Variants in SHKBP1 observed in about 807,000 individuals in gnomAD.
SHKBP1 encodes the protein SH3KBP1 binding protein 1.
SHKBP1 carries 71 observed loss-of-function variants against 83.9 expected under a neutral mutation model. The observed-to-expected ratio is 0.85, with a 90% CI of 0.70 to 1.03. The LOEUF (loss-of-function observed/expected upper bound fraction) is 1.03. Among genes scored for constraint, SHKBP1 ranks in the 50% least tolerant of loss-of-function variants. The pLI is 0.00. For synonymous variants in SHKBP1, 371 were observed against 398.0 expected (o/e 0.93, Z 0.81); for missense variants, 824 against 982.4 (o/e 0.84, Z 2.16).
intron 6 of SHKBP1, chr19:40,580,044 A>AC (rs1177684172): frequency 3.7e-5 from 10 of 272,976 alleles, no homozygotes; most frequent in Non-Finnish European, 4.9e-5. Context: ...AAAAAAAAAA[A>AC]AAAAAAAAAA....
At chr19:40,589,435 AG>A (rs2081338608) in intron 15 of SHKBP1, among the ~76,000 whole-genome samples, 1 of 114,142 alleles carries the variant, frequency 8.8e-6, no homozygotes, top group African/African-American at 3.4e-5. Flanking sequence ...TTGAAGGCAC[AG>A]GGGGTGGGGT....
rs746492696 is a variant in SHKBP1, at chr19:40,580,325, G to A, written c.402G>A (p.Val134=). ...CTCTACCTCTTATTCTCACTGTAGTGTTCCCAGTGAAGCGGCGGAACCGGC... is the reference window on the plus strand; with the variant it reads ...CTCTACCTCTTATTCTCACTGTAGTATTCCCAGTGAAGCGGCGGAACCGGC... ...VLFNGYLPPP[V]FPVKRRNRHS... is the part of the protein sequence containing the mutation. The change falls in exon 7 of 18, where the codon GTG becomes GTA. Residue 134 remains valine (V), a splice_region_variant and synonymous_variant. Coordinates refer to ENST00000291842, the MANE Select transcript of SHKBP1 (RefSeq NM_138392.4). The A allele has an allele frequency of 6.2e-7, 1 of 1,613,834 alleles. No homozygotes were observed. Among genetic ancestry groups the A allele is most frequent in the South Asian group, 1.1e-5 (1 of 91,064 alleles).
At chr19:40,586,359 C>CT (rs757967992) in intron 12 of SHKBP1, among the ~76,000 whole-genome samples, 4 of 150,808 alleles carry the variant, frequency 2.7e-5, no homozygotes, top group South Asian at 4.2e-4. Context: ...GTGTCTCTTT[C>CT]TTTCTTTCTT....
chr19:40,582,424 A>C lies in SHKBP1; in HGVS notation c.918A>C (p.Thr306=). 6.2e-7 allele frequency: 1 copy of C among 1,614,148 alleles called. No individual in the cohort carries two copies. The highest frequency in any genetic ancestry group is 8.5e-7 in the Non-Finnish European group (1 of 1,180,028). ...VGNQLIATSH[T]GRIGVWNAVT... ...ACCAGCTCATTGCTACAAGCCACAC[A>C]GGGCGCATCGGGGTGTGGAATGCCG... Residue 306 remains threonine, a synonymous_variant, in exon 10 of 18, where the codon ACA becomes ACC. Coordinates refer to ENST00000291842, the MANE Select transcript of SHKBP1 (RefSeq NM_138392.4).
chr19:40,583,589 T>G lies in SHKBP1; in HGVS notation c.1049-12T>G. On this transcript the variant is annotated splice_polypyrimidine_tract_variant and intron_variant, in intron 11 of 17. Transcript: ENST00000291842. The stretch of plus-strand genomic sequence containing the variant: ...TGGAACAAACCCGCTCCACCCTCCC[T>G]GCCCACCCCAGATGTGCAGAAGTTC... 1.2e-6 allele frequency: 1 copy of G among 833,782 alleles called. No homozygotes were observed. Among genetic ancestry groups the G allele is most frequent in the Non-Finnish European group, 1.9e-6 (1 of 522,790 alleles). The allele number at this position is 833,782 out of a possible 1,614,324, so 51.6% of individuals were successfully genotyped here.
At chr19:40,583,579 C>G in intron 11 of SHKBP1, 22 bp from the exon 12 acceptor site, 1 of 1,611,500 alleles carries the variant, frequency 6.2e-7, no homozygotes, top group Non-Finnish European at 8.5e-7. Flanking sequence ...CAAACCCGCT[C>G]CACCCTCCCT....
intron 6 of SHKBP1, 21 bp downstream of exon 6, chr19:40,578,563 G>A (rs779606690): frequency 1.3e-6 from 2 of 1,594,458 alleles, no homozygotes; most frequent in East Asian, 2.2e-5. Flanking sequence ...CCAATGGAAT[G>A]GAGGGGCGCG....
Position 40,583,496 on chromosome 19 carries a change from G to A in SHKBP1, c.1048+11G>A. On this transcript the variant is annotated intron_variant, in intron 11 of 17. Coordinates refer to ENST00000291842, the MANE Select transcript of SHKBP1 (RefSeq NM_138392.4). Reference sequence around the variant, plus strand: ...CCATTTACTACGTGGGTGAGCAGCAGCCTGTGTCCCGGGTGCCCGAGACCC... The same window carrying A: ...CCATTTACTACGTGGGTGAGCAGCAACCTGTGTCCCGGGTGCCCGAGACCC... 6.2e-7 allele frequency: 1 copy of A among 1,613,162 alleles called. No homozygotes were observed. Among genetic ancestry groups the A allele is most frequent in the East Asian group, 2.2e-5 (1 of 44,858 alleles).
chr19:40,588,949 T>C (rs2081333935), intron 14 of SHKBP1, 133 bp from the exon 15 acceptor site: 3 of 1,270,764 alleles, frequency 2.4e-6, no homozygotes, highest in Admixed American at 2.0e-5. Context: ...CCCAGCCCTC[T>C]CTGGCCCTGC....
intron 14 of SHKBP1, 78 bp downstream of exon 14, chr19:40,588,857 GC>G: frequency 6.4e-7 from 1 of 1,552,792 alleles, no homozygotes; most frequent in Non-Finnish European, 8.7e-7. Flanking sequence ...ATTCCCACTT[GC>G]GGCCACCTGA....
chr19:40,577,782 C>G, intron 4 of SHKBP1, 152 bp downstream of exon 4: 1 of 940,718 alleles, frequency 1.1e-6, no homozygotes, highest in Non-Finnish European at 1.6e-6. Flanking sequence ...TTGCTCACGC[C>G]TGTAATCCCA....
chr19:40,580,310 T>C lies in SHKBP1; in HGVS notation c.401-14T>C, dbSNP rs1431270769. On this transcript the variant is annotated splice_polypyrimidine_tract_variant and intron_variant, in intron 6 of 17. Transcript: ENST00000291842. ...TTACAATGACTGTTACTCTACCTCTTATTCTCACTGTAGTGTTCCCAGTGA... is the reference window on the plus strand; with the variant it reads ...TTACAATGACTGTTACTCTACCTCTCATTCTCACTGTAGTGTTCCCAGTGA... 8 of 1,607,386 alleles carry C rather than the reference T, an allele frequency of 5.0e-6. No individual in the cohort carries two copies. The highest frequency in any genetic ancestry group is 6.8e-6 in the Non-Finnish European group (8 of 1,175,072).
chr19:40,586,640 T>C, intron 12 of SHKBP1, 134 bp from the exon 13 acceptor site: 1 of 883,930 alleles, frequency 1.1e-6, no homozygotes, highest in East Asian at 3.1e-5. Flanking sequence ...GTGATGGGAT[T>C]ACGGCGTGAG....
Position 40,580,731 on chromosome 19 carries a change from C to T in SHKBP1, c.654-15C>T, listed in dbSNP as rs2081262422. 1.9e-6 allele frequency: 3 copies of T among 1,612,828 alleles called. No individual in the cohort carries two copies. The highest frequency in any genetic ancestry group is 2.2e-5 in the South Asian group (2 of 90,976). On this transcript the variant is annotated splice_polypyrimidine_tract_variant and intron_variant, in intron 8 of 17. Transcript: ENST00000291842. ...GCATGCGGTGAGGGTTGGTGATGTC[C>T]CCTCGATCCTACAGGTTGAAGGAAG... is the stretch of plus-strand genomic sequence containing the variant.
In SHKBP1 at chr19:40,578,458, G is replaced by A. The variant is rs370082464; in HGVS notation, c.320-4G>A. Reference sequence around the variant, plus strand: ...GTCCCAGCCTTTAAGTCCTCCTGTTGCAGTTCGTCGCCTGCAGCTTCGAGA... The same window carrying A: ...GTCCCAGCCTTTAAGTCCTCCTGTTACAGTTCGTCGCCTGCAGCTTCGAGA... On this transcript the variant is annotated splice_polypyrimidine_tract_variant and splice_region_variant and intron_variant, in intron 5 of 17. Coordinates refer to ENST00000291842, the MANE Select transcript of SHKBP1 (RefSeq NM_138392.4). 3.1e-6 allele frequency: 5 copies of A among 1,614,024 alleles called. No individual in the cohort carries two copies. The South Asian group carries it at 3.3e-5, about 11-fold the overall frequency.
chr19:40,583,265 G>A (rs1052651737), intron 10 of SHKBP1, 133 bp from the exon 11 acceptor site: 3 of 658,876 alleles, frequency 4.6e-6, no homozygotes, highest in Non-Finnish European at 7.8e-6. Flanking sequence ...AGGCAGGCCT[G>A]GGGTGGACGG....
intron 9 of SHKBP1, among the ~76,000 whole-genome samples, chr19:40,581,319 T>G (rs1376731184): frequency 1.3e-5 from 2 of 152,080 alleles, no homozygotes; most frequent in Middle Eastern, 3.4e-3. Flanking sequence ...GAGACCCCCT[T>G]GGCCAACAGG....
intron 12 of SHKBP1, among the ~76,000 whole-genome samples, chr19:40,585,140 T>C (rs144470091): frequency 1.8e-3 from 276 of 152,148 alleles, no homozygotes; most frequent in Non-Finnish European, 3.4e-3. Context: ...AGGGTCTTGC[T>C]CTGTTGCCCA....
chr19:40,590,398 A>C lies in SHKBP1; in HGVS notation c.1744A>C (p.Met582Leu). The C allele has an allele frequency of 6.2e-7, 1 of 1,610,528 alleles. No individual in the cohort carries two copies. The highest frequency in any genetic ancestry group is 8.5e-7 in the Non-Finnish European group (1 of 1,178,600). The change falls in exon 16 of 18, where the codon ATG becomes CTG. Residue 582 changes from methionine (M) to leucine (L), a missense_variant. Met to Leu is a conservative substitution (Grantham distance 15). This residue lies in a region of SHKBP1 where 287 missense variants were observed against 322.9 expected (regional missense o/e 0.89). Transcript: ENST00000291842. This position sits in a 1 kb window ranked among gnomAD's most constrained non-coding sequence, Gnocchi z 4.6. ...SLAMWDLTTA[M>L]DGLGQAPAGG... Reference sequence around the variant, plus strand: ...GGCCATGTGGGACCTAACCACCGCCATGGACGGCCTCGGCCAGGCCCCTGG... The same window carrying C: ...GGCCATGTGGGACCTAACCACCGCCCTGGACGGCCTCGGCCAGGCCCCTGG...
Sources: allele counts gnomAD v4.1 joint callset (sites outside exome capture counted in the v4.1 genomes callset), GRCh38; gene constraint gnomAD v4.1.1; regional missense constraint gnomAD v4.1.1; non-coding constraint Gnocchi (gnomAD v3.1); transcripts MANE v1.5; gene names NCBI Gene and HGNC (gene_info 2026-07-23, HGNC 2026-07-21).